FAM135B: variants seen among roughly 807,000 people sequenced by gnomAD.
FAM135B encodes the protein family with sequence similarity 135 member B, also known as protein FAM135B.
A neutral mutation model predicts 127.7 loss-of-function variants in FAM135B; 43 were observed. That is an observed-to-expected ratio of 0.34 (90% confidence interval 0.26 to 0.43). The LOEUF (loss-of-function observed/expected upper bound fraction) is 0.43, where lower values mean the gene tolerates loss of function less well. Ranked by LOEUF, FAM135B falls within the 20% of genes least tolerant of loss-of-function variation. The probability of loss-of-function intolerance (pLI) is 1.00; values close to 1 mark genes in which losing one functional copy is unlikely to be tolerated. For synonymous variants in FAM135B, 670 were observed against 665.1 expected (o/e 1.01, Z -0.11); for missense variants, 1,558 against 1,725.6 (o/e 0.90, Z 1.72).
Position 138,143,019 on chromosome 8 carries a change from G to C in FAM135B, c.3631C>G (p.Arg1211Gly), listed in dbSNP as rs1289751337. 1 of 1,569,562 alleles carries C rather than the reference G, an allele frequency of 6.4e-7. No homozygotes were observed. Among genetic ancestry groups the C allele is most frequent in the African/African-American group, 1.4e-5 (1 of 73,998 alleles). ...CCTGTGGTTTCCTTTTACCTAATTC[G>C]GGATATGGAGAGGTTGTACAACTGA... ...HIQLYNLSIS[R>G]ISFIGHSLGN... The change falls in exon 16 of 20, where the codon CGA becomes GGA. Residue 1211 changes from arginine (R) to glycine (G), a missense_variant. This residue lies in a region of FAM135B where 194 missense variants were observed against 333.8 expected (regional missense o/e 0.58). Coordinates refer to ENST00000395297, the MANE Select transcript of FAM135B (RefSeq NM_015912.4).
At chr8:138,167,447 C>T (rs550681470) in intron 12 of FAM135B, among the ~76,000 whole-genome samples, 34 of 152,296 alleles carry the variant, frequency 2.2e-4, no homozygotes, top group Admixed American at 3.3e-4. Flanking sequence ...CTGCCCACCT[C>T]GGCCTCCCAA....
intron 7 of FAM135B, among the ~76,000 whole-genome samples, chr8:138,213,311 A>T (rs1818281733): frequency 6.7e-6 from 1 of 149,156 alleles, no homozygotes; most frequent in Admixed American, 7.0e-5. Context: ...AATAGTAGCC[A>T]CGGTGAATTA....
intron 3 of FAM135B, among the ~76,000 whole-genome samples, chr8:138,285,545 T>C (rs953414248): frequency 2.0e-5 from 3 of 152,272 alleles, no homozygotes; most frequent in Non-Finnish European, 1.5e-5. Flanking sequence ...TATACAATAA[T>C]ATCAACAAAA....
chr8:138,214,184 A>G (rs969827014), intron 7 of FAM135B, among the ~76,000 whole-genome samples: 1 of 152,130 alleles, frequency 6.6e-6, no homozygotes, highest in African/African-American at 2.4e-5. Flanking sequence ...ATGAGAGTCT[A>G]TCTCCTCTTG....
chr8:138,480,501 A>G (rs1814729378), intron 1 of FAM135B, among the ~76,000 whole-genome samples: 1 of 152,224 alleles, frequency 6.6e-6, no homozygotes. Context: ...AAATAGGCTC[A>G]ATATTCAAGT....
intron 3 of FAM135B, among the ~76,000 whole-genome samples, chr8:138,284,353 G>A (rs1308356343): frequency 7.2e-5 from 11 of 152,022 alleles, no homozygotes; most frequent in East Asian, 5.9e-4. Context: ...TGCTCAGCCC[G>A]ACTCCTGTGC....
chr8:138,235,344 CAG>C (rs1302104460), intron 7 of FAM135B, among the ~76,000 whole-genome samples: 7 of 152,192 alleles, frequency 4.6e-5, no homozygotes, highest in Admixed American at 2.6e-4. Context: ...GTGCCTGAGA[CAG>C]AGTTAATGCT....
intron 4 of FAM135B, among the ~76,000 whole-genome samples, chr8:138,257,892 A>C (rs533733346): frequency 7.0e-6 from 1 of 142,186 alleles, no homozygotes; most frequent in Non-Finnish European, 1.6e-5. Context: ...AAATAAAAAA[A>C]AAAATAAAAC....
chr8:138,391,511 C>A (rs568264269), intron 1 of FAM135B, among the ~76,000 whole-genome samples: 1 of 152,220 alleles, frequency 6.6e-6, no homozygotes, highest in Admixed American at 6.5e-5. Context: ...CAGGGTTTTT[C>A]TGGCCTTGAC....
At chr8:138,160,555 A>ATTTT (rs61562037) in intron 12 of FAM135B, among the ~76,000 whole-genome samples, 10 of 142,610 alleles carry the variant, frequency 7.0e-5, no homozygotes, top group Admixed American at 3.5e-4. Context: ...TGCCCAGCTC[A>ATTTT]TTTTTTTTTT....
chr8:138,395,315 G>A (rs558493302), intron 1 of FAM135B, among the ~76,000 whole-genome samples: 1 of 152,250 alleles, frequency 6.6e-6, no homozygotes, highest in South Asian at 2.1e-4. Flanking sequence ...CAAAATAGCA[G>A]GAGCCTGGCT....
At chr8:138,342,767 T>A (rs1829143631) in intron 2 of FAM135B, among the ~76,000 whole-genome samples, 1 of 152,206 alleles carries the variant, frequency 6.6e-6, no homozygotes, top group African/African-American at 2.4e-5. Context: ...TGCTCATTTG[T>A]TTAATTAAGC....
At chr8:138,165,999 T>C (rs1294657323) in intron 12 of FAM135B, among the ~76,000 whole-genome samples, 1 of 152,228 alleles carries the variant, frequency 6.6e-6, no homozygotes, top group Non-Finnish European at 1.5e-5. Flanking sequence ...TTTTAAAGCA[T>C]CATTTAAATG....
chr8:138,342,656 G>A (rs1829135246), intron 2 of FAM135B, among the ~76,000 whole-genome samples: 1 of 152,198 alleles, frequency 6.6e-6, no homozygotes, highest in Non-Finnish European at 1.5e-5. Flanking sequence ...GATAATTCAA[G>A]TTTCACTTGG....
At chr8:138,412,122 G>C (rs558542851) in intron 1 of FAM135B, among the ~76,000 whole-genome samples, 1 of 152,138 alleles carries the variant, frequency 6.6e-6, no homozygotes, top group East Asian at 1.9e-4. Flanking sequence ...TACTATGCCC[G>C]CTACCTGGGT....
chr8:138,312,240 C>T (rs187377086), intron 2 of FAM135B, among the ~76,000 whole-genome samples: 8 of 152,096 alleles, frequency 5.3e-5, no homozygotes, highest in South Asian at 2.1e-4. Flanking sequence ...CCACCATGCC[C>T]GGCCAAAATG....
chr8:138,404,887 A>G (rs1833366544), intron 1 of FAM135B, among the ~76,000 whole-genome samples: 1 of 152,172 alleles, frequency 6.6e-6, no homozygotes, highest in South Asian at 2.1e-4. Context: ...GTTGCTATTA[A>G]CTTCGTCCAA....
chr8:138,398,931 G>A (rs745468467), intron 1 of FAM135B, among the ~76,000 whole-genome samples: 2 of 152,086 alleles, frequency 1.3e-5, no homozygotes, highest in African/African-American at 4.8e-5. Flanking sequence ...ACCAGGAGAC[G>A]AATATAACCC....
At chr8:138,249,983 G>A (rs879610038) in intron 6 of FAM135B, among the ~76,000 whole-genome samples, 1 of 152,132 alleles carries the variant, frequency 6.6e-6, no homozygotes, top group Non-Finnish European at 1.5e-5. Flanking sequence ...CCCTCTACTT[G>A]GGGCATTCAT....
Sources: allele counts gnomAD v4.1 joint callset (sites outside exome capture counted in the v4.1 genomes callset), GRCh38; gene constraint gnomAD v4.1.1; regional missense constraint gnomAD v4.1.1; transcripts MANE v1.5; gene names NCBI Gene and HGNC (gene_info 2026-07-23, HGNC 2026-07-21).